Variants in PHYH observed in about 807,000 individuals in gnomAD.
The protein encoded by PHYH is phytanoyl-CoA 2-hydroxylase, also known as phytanoyl-CoA dioxygenase, peroxisomal.
A neutral mutation model predicts 38.5 loss-of-function variants in PHYH; 32 were observed. That is an observed-to-expected ratio of 0.83 (90% CI 0.63 to 1.12). The LOEUF (loss-of-function observed/expected upper bound fraction) is 1.12. PHYH is among the 50% of genes most tolerant of loss of function. PHYH has a pLI of 0.00. For synonymous variants in PHYH, 166 were observed against 157.9 expected, an observed-to-expected ratio of 1.05 and a Z score of -0.38; for missense variants, 426 against 434.8, an observed-to-expected ratio of 0.98 and a Z score of 0.18.
chr10:13,299,405 C>T, intron 1 of PHYH: 3 of 999,350 alleles, frequency 3.0e-6, no homozygotes, highest in Middle Eastern at 1.0e-3. Context: ...CGTGTGCCGC[C>T]GCGCCAGTCC....
rs573893921 is a variant in PHYH at position 13,296,765 on chromosome 10, G to C, written c.135-1159C>G. 9.9e-3 allele frequency among the ~76,000 whole-genome samples: 1,485 copies of C among 149,672 alleles called. 27 individuals carry two copies. The highest frequency in any genetic ancestry group is 0.035 in the African/African-American group (1,402 of 40,584). On this transcript the variant is annotated intron_variant, in intron 2 of 8. Transcript: ENST00000263038. ...ACGAGGTCAGATCGGGACCATCCTG[G>C]CTAACACGGTGAAACCCGCCTCTAC...
At chr10:13,292,778 C>T (rs1376956015) in intron 4 of PHYH, among the ~76,000 whole-genome samples, 1 of 151,896 alleles carries the variant, frequency 6.6e-6, no homozygotes, top group East Asian at 1.9e-4. Context: ...ACTAAAAATA[C>T]AAAAATTCGC....
intron 5 of PHYH, 74 bp downstream of exon 5, chr10:13,291,757 G>T: frequency 1.1e-6 from 1 of 950,100 alleles, no homozygotes; most frequent in Non-Finnish European, 1.7e-6. Context: ...GGGATTACAG[G>T]CATGAGTTAC....
chr10:13,295,513 G>A lies in PHYH; in HGVS notation c.228C>T (p.Ala76=), dbSNP rs779247277. The change falls in exon 3 of 9, where the codon GCC becomes GCT. Residue 76 remains alanine, a synonymous_variant. Transcript: ENST00000263038. ...TACTGTACCGAAAGCGTTGAATATCGGCATCAGGTACAAGATTTTTGATTA... is the reference window on the plus strand; with the variant it reads ...TACTGTACCGAAAGCGTTGAATATCAGCATCAGGTACAAGATTTTTGATTA... The part of the protein sequence containing the change: ...FLVIKNLVPD[A]DIQRFRNEFE... The A allele has an allele frequency of 2.0e-6, 3 of 1,537,258 alleles. No individual in the cohort carries two copies. Among genetic ancestry groups the A allele is most frequent in the South Asian group, 2.2e-5 (2 of 89,458 alleles).
intron 5 of PHYH, among the ~76,000 whole-genome samples, chr10:13,290,192 G>A (rs1835672479): frequency 6.6e-6 from 1 of 150,606 alleles, no homozygotes; most frequent in South Asian, 2.1e-4. Flanking sequence ...CTATTCAGGA[G>A]GATGAGGCAG....
chr10:13,291,981 G>A (rs941807849), intron 4 of PHYH, 69 bp from the exon 5 acceptor site: 9 of 1,016,824 alleles, frequency 8.9e-6, no homozygotes, highest in Non-Finnish European at 1.1e-5. Flanking sequence ...CTGGTACAAA[G>A]TACAGTAGCT....
Position 13,294,485 on chromosome 10 carries a change from C to A in PHYH, c.357G>T (p.Thr119=). ...TATCTTCCTGGAAATCCTGGACCTT[C>A]GTGATCATCTTCTCACTTGGAGCAT... ...SEYAPSEKMI[T]KVQDFQEDKE... is the part of the protein sequence containing the mutation. The change falls in exon 4 of 9, where the codon ACG becomes ACT. Residue 119 remains threonine (T), a synonymous_variant. Coordinates refer to ENST00000263038, the MANE Select transcript of PHYH (RefSeq NM_006214.4). 1.2e-6 allele frequency: 2 copies of A among 1,614,146 alleles called. No homozygotes were observed.
At chr10:13,289,449 C>A (rs1835648998) in intron 5 of PHYH, among the ~76,000 whole-genome samples, 1 of 152,058 alleles carries the variant, frequency 6.6e-6, no homozygotes, top group South Asian at 2.1e-4. Context: ...CCCGCCTCGG[C>A]CTCCCAAAGT....
chr10:13,299,963 G>T lies in PHYH; in HGVS notation c.75+5C>A. 6.5e-7 allele frequency: 1 copy of T among 1,529,202 alleles called. No individual in the cohort carries two copies. The highest frequency in any genetic ancestry group is 8.7e-7 in the Non-Finnish European group (1 of 1,143,452). The allele number at this position is 1,529,202 out of a possible 1,614,324, so 94.7% of individuals were successfully genotyped here. A position where few individuals can be genotyped will look rare whatever the true frequency, so the allele number is the denominator to read the frequency against. Reference sequence around the variant, plus strand: ...AGCCCGAGCCCCGCGCAGCCCAAAGGATACGACAGCCCCGGCCGAGGGGCG... The same window carrying T: ...AGCCCGAGCCCCGCGCAGCCCAAAGTATACGACAGCCCCGGCCGAGGGGCG... On this transcript the variant is annotated splice_donor_5th_base_variant and intron_variant, in intron 1 of 8. Transcript: ENST00000263038.
chr10:13,292,192 T>C (rs1035663447), intron 4 of PHYH, among the ~76,000 whole-genome samples: 1 of 152,216 alleles, frequency 6.6e-6, no homozygotes, highest in Non-Finnish European at 1.5e-5. Context: ...GATATTAATA[T>C]AGCTTTCTTG....
intron 8 of PHYH, among the ~76,000 whole-genome samples, chr10:13,278,654 G>A (rs1041246437): frequency 6.6e-6 from 1 of 151,288 alleles, no homozygotes; most frequent in African/African-American, 2.4e-5. Context: ...TCAGCCTCCC[G>A]AGTAGCTGGG....
chr10:13,294,994 A>C, intron 3 of PHYH: 1 of 326,532 alleles, frequency 3.1e-6, no homozygotes, highest in South Asian at 2.7e-5. Context: ...GAGGAAACAG[A>C]GGCATGGGAT....
intron 5 of PHYH, 48 bp from the exon 6 acceptor site, chr10:13,288,589 G>A (rs2131641040): frequency 6.4e-7 from 1 of 1,572,790 alleles, no homozygotes; most frequent in East Asian, 2.2e-5. Context: ...CGAGTGCAGT[G>A]GCTCACGCCT....
In PHYH at chr10:13,299,599, G is replaced by C. The variant is rs111902870; in HGVS notation, c.75+369C>G. ...GGGCCGGTTCCAGGCAGCCCTGCGC[G>C]CCTGTGCACCGTGCGCCTGTGATTG... On this transcript the variant is annotated intron_variant, in intron 1 of 8. Transcript: ENST00000263038. 2.7e-5 allele frequency: 28 copies of C among 1,040,150 alleles called. No individual in the cohort carries two copies. In the African/African-American group the frequency reaches 3.4e-4, roughly 13 times the overall value. The allele number at this position is 1,040,150 out of a possible 1,614,324, so 64.4% of individuals were successfully genotyped here. A position where few individuals can be genotyped will look rare whatever the true frequency, so the allele number is the denominator to read the frequency against.
At chr10:13,298,718 CACTACT>C (rs56043624) in intron 1 of PHYH, among the ~76,000 whole-genome samples, 1,681 of 93,436 alleles carry the variant, frequency 0.018, 48 homozygotes, top group East Asian at 0.11. Context: ...AAACTACCAC[CACTACT>C]ACTACTACTA....
At chr10:13,295,637 T>C (rs1337218928) in intron 2 of PHYH, 31 bp from the exon 3 acceptor site, 1 of 937,790 alleles carries the variant, frequency 1.1e-6, no homozygotes, top group Admixed American at 1.7e-5. Flanking sequence ...CAAAATAAGT[T>C]ACATTTTTAA....
At position 13,283,733 on chromosome 10, in the gene PHYH, A is replaced by G; in HGVS notation, c.785T>C (p.Leu262Pro). The change falls in exon 7 of 9, where the codon CTC becomes CCC. Residue 262 changes from leucine to proline, a missense_variant. By Grantham distance (98) the Leu-to-Pro change is moderately conservative. Transcript: ENST00000263038. ...TTTATTCTGACCAGATCCGTGGATG[A>G]GCAAAGGATGGAAGAAAACAGTGTC... Reference protein sequence around the residue: ...KGDTVFFHPLLIHGSGQNKTQ... With the variant: ...KGDTVFFHPLPIHGSGQNKTQ... 6.2e-7 allele frequency: 1 copy of G among 1,614,146 alleles called. No individual in the cohort carries two copies. Among genetic ancestry groups the G allele is most frequent in the Non-Finnish European group, 8.5e-7 (1 of 1,180,008 alleles).
chr10:13,299,840 C>A lies in PHYH; in HGVS notation c.75+128G>T, dbSNP rs553596848. The A allele has an allele frequency of 1.7e-5, 23 of 1,326,916 alleles. No homozygotes were observed. The East Asian group carries it at 6.9e-4, about 40-fold the overall frequency. The allele number at this position is 1,326,916 out of a possible 1,614,324, so 82.2% of individuals were successfully genotyped here. ...AGACGCGACCCAGGCGGGGACGCGG[C>A]GCTGAGCGAGGAGGCGCTGGGGCTG... On this transcript the variant is annotated intron_variant, in intron 1 of 8. Transcript: ENST00000263038.
chr10:13,287,944 C>T (rs1466581638), intron 6 of PHYH, among the ~76,000 whole-genome samples: 1 of 152,126 alleles, frequency 6.6e-6, no homozygotes, highest in Admixed American at 6.6e-5. Flanking sequence ...CTTAGGGAGG[C>T]CGAGGTGAAC....
Sources: allele counts gnomAD v4.1 joint callset (sites outside exome capture counted in the v4.1 genomes callset), GRCh38; gene constraint gnomAD v4.1.1; transcripts MANE v1.5; gene names NCBI Gene and HGNC (gene_info 2026-07-23, HGNC 2026-07-21).